NT5DC3: variants seen among roughly 807,000 people sequenced by gnomAD.
The protein encoded by NT5DC3 is 5'-nucleotidase domain-containing protein 3.
Under a neutral mutation model 67.8 loss-of-function variants are expected in NT5DC3, and 42 were observed. The ratio of observed to expected loss-of-function variants is 0.62; its 90% confidence interval spans 0.48 to 0.80. The LOEUF (loss-of-function observed/expected upper bound fraction) is 0.80, where lower values mean the gene tolerates loss of function less well. Among genes scored for constraint, NT5DC3 ranks in the 30% least tolerant of loss-of-function variants. The pLI is 0.00. For missense variants in NT5DC3, 570 were observed against 696.4 expected, an observed-to-expected ratio of 0.82 and a Z score of 2.04; for synonymous variants, 237 against 255.6, an observed-to-expected ratio of 0.93 and a Z score of 0.69.
chr12:103,759,371 A>C, the NT5DC3 span: 1 of 1,491,448 alleles, frequency 6.7e-7, no homozygotes. Context: ...TATTATGCAA[A>C]CATAAACTCT....
At chr12:103,826,464 G>A (rs2139455749) in intron 1 of NT5DC3, among the ~76,000 whole-genome samples, 1 of 152,344 alleles carries the variant, frequency 6.6e-6, no homozygotes, top group East Asian at 1.9e-4. Context: ...TGTGATTTGA[G>A]AAAGACTCAG....
At chr12:103,796,642 G>A (rs892385833) in intron 6 of NT5DC3, among the ~76,000 whole-genome samples, 25 of 152,218 alleles carry the variant, frequency 1.6e-4, no homozygotes, top group Non-Finnish European at 3.1e-4. Context: ...TTGGCCTTCT[G>A]GTCAGAAAGG....
the NT5DC3 span, chr12:103,762,180 C>T: frequency 1.3e-6 from 2 of 1,537,044 alleles, no homozygotes; most frequent in Admixed American, 1.9e-5. Flanking sequence ...ATTTTTATCC[C>T]CACTGGCTCC....
In NT5DC3 at chr12:103,774,266, T is replaced by C. The variant is rs1191648493; in HGVS notation, c.*3563A>G. 1 of 152,250 alleles carries C rather than the reference T, an allele frequency of 6.6e-6. No homozygotes were observed. Among genetic ancestry groups the C allele is most frequent in the Non-Finnish European group, 1.5e-5 (1 of 68,042 alleles). The allele number at this position is 152,250 out of a possible 1,614,324, so 9.4% of individuals were successfully genotyped here. ...TTTTTAAATGTTCAAGCTATTTTTG[T>C]TTGCTTTACAACACAATTTTTTAAA... On this transcript the variant is annotated 3_prime_UTR_variant, in exon 14 of 14. Coordinates refer to ENST00000392876, the MANE Select transcript of NT5DC3 (RefSeq NM_001031701.3).
chr12:103,749,444 C>T, the NT5DC3 span, among the ~76,000 whole-genome samples: 11 of 152,224 alleles, frequency 7.2e-5, no homozygotes, highest in East Asian at 7.7e-4. Context: ...TTATGTTGGA[C>T]ATCAGGGGAA....
chr12:103,818,915 G>A (rs781674348), intron 1 of NT5DC3, among the ~76,000 whole-genome samples: 3 of 152,168 alleles, frequency 2.0e-5, no homozygotes, highest in Non-Finnish European at 4.4e-5. Flanking sequence ...TGCAAGTGAA[G>A]GGGAATCGCT....
Position 103,793,445 on chromosome 12 carries a change from C to A in NT5DC3, c.882G>T (p.Lys294Asn), listed in dbSNP as rs916029455. 1.2e-6 allele frequency: 2 copies of A among 1,614,224 alleles called. No homozygotes were observed. Among genetic ancestry groups the A allele is most frequent in the Non-Finnish European group, 1.7e-6 (2 of 1,180,038 alleles). Reference sequence around the variant, plus strand: ...TGGGGCTATTGGTGATGAGAAACATCTTCTTGCCATGATCAGCCAGTTTGG... The same window carrying A: ...TGGGGCTATTGGTGATGAGAAACATATTCTTGCCATGATCAGCCAGTTTGG... Reference protein sequence around the residue: ...VLAKLADHGKKMFLITNSPSS... With the variant: ...VLAKLADHGKNMFLITNSPSS... Residue 294 changes from lysine to asparagine, a missense_variant, in exon 8 of 14, where the codon AAG (lysine) becomes AAT (asparagine). Around this residue, in one of 2 missense-constraint regions of NT5DC3, gnomAD observed 466 missense variants for 608.0 expected, o/e 0.77. Coordinates refer to ENST00000392876, the MANE Select transcript of NT5DC3 (RefSeq NM_001031701.3).
At chr12:103,771,981 G>C (rs1885195045), downstream of NT5DC3, among the ~76,000 whole-genome samples, 1 of 152,012 alleles carries the variant, frequency 6.6e-6, no homozygotes, top group Admixed American at 6.5e-5. Context: ...GTGATCGAAG[G>C]GAGGAAAAAA....
Position 103,793,443 on chromosome 12 carries a change from A to G in NT5DC3, c.884T>C (p.Met295Thr), listed in dbSNP as rs1886156795. 3.1e-6 allele frequency: 5 copies of G among 1,614,130 alleles called. No individual in the cohort carries two copies. Among genetic ancestry groups the G allele is most frequent in the African/African-American group, 1.3e-5 (1 of 74,942 alleles). Residue 295 changes from methionine (M) to threonine (T), a missense_variant, in exon 8 of 14, where the codon ATG becomes ACG. Coordinates refer to ENST00000392876, the MANE Select transcript of NT5DC3 (RefSeq NM_001031701.3). ...LAKLADHGKKMFLITNSPSSF... is the reference protein window; with the variant it reads ...LAKLADHGKKTFLITNSPSSF... Reference sequence around the variant, plus strand: ...ACTGGGGCTATTGGTGATGAGAAACATCTTCTTGCCATGATCAGCCAGTTT... The same window carrying G: ...ACTGGGGCTATTGGTGATGAGAAACGTCTTCTTGCCATGATCAGCCAGTTT...
chr12:103,759,304 C>T, the NT5DC3 span: 111 of 1,608,614 alleles, frequency 6.9e-5, 3 homozygotes, highest in South Asian at 4.4e-4. Flanking sequence ...CTTGGGGGAA[C>T]GGGAGATAAT....
chr12:103,768,923 T>C (rs548621619), downstream of NT5DC3: 36 of 151,896 alleles, frequency 2.4e-4, no homozygotes, highest in Admixed American at 2.0e-3. Flanking sequence ...TTGATTCCAC[T>C]CAGAGCCTCG....
At chr12:103,840,395 CAT>C (rs1888343023) in intron 1 of NT5DC3, among the ~76,000 whole-genome samples, 1 of 147,622 alleles carries the variant, frequency 6.8e-6, no homozygotes, top group African/African-American at 2.5e-5. Flanking sequence ...CATCTCATCT[CAT>C]CTCATCTCAT....
At chr12:103,753,976 CTT>C in the NT5DC3 span, among the ~76,000 whole-genome samples, 1 of 152,220 alleles carries the variant, frequency 6.6e-6, no homozygotes, top group East Asian at 1.9e-4. Flanking sequence ...GTGCTGCTCT[CTT>C]AACCTCTAAA....
chr12:103,801,027 C>G (rs1017210848), intron 4 of NT5DC3, among the ~76,000 whole-genome samples: 1 of 152,106 alleles, frequency 6.6e-6, no homozygotes, highest in Non-Finnish European at 1.5e-5. Context: ...CAGCTTTTCA[C>G]AAGGTTCCTA....
the NT5DC3 span, chr12:103,762,166 C>A: frequency 6.9e-7 from 1 of 1,452,870 alleles, no homozygotes; most frequent in Admixed American, 2.1e-5. Context: ...GTTAACATGT[C>A]AGTATTTTTA....
At position 103,776,669 on chromosome 12, in the gene NT5DC3, C is replaced by CA. The variant is rs1295288183; in HGVS notation, c.*1159dup. ...CTTAGACATCTAAAAAAAAACAAAA[C>CA]AAAACAAAAAAAAAAAAAACAAACT... On this transcript the variant is annotated 3_prime_UTR_variant, in exon 14 of 14. Transcript: ENST00000392876. The CA allele has an allele frequency of 3.9e-5, 4 of 103,194 alleles. No homozygotes were observed. Among genetic ancestry groups the CA allele is most frequent in the East Asian group, 7.2e-4 (2 of 2,764 alleles). The allele number at this position is 103,194 out of a possible 1,614,324, so 6.4% of individuals were successfully genotyped here. A position where few individuals can be genotyped will look rare whatever the true frequency, so the allele number is the denominator to read the frequency against.
At chr12:103,756,996 A>AATATATATATATATATATATAT in the NT5DC3 span, among the ~76,000 whole-genome samples, 11 of 56,334 alleles carry the variant, frequency 2.0e-4, no homozygotes, top group South Asian at 2.2e-3. Context: ...AAGGAGGGAA[A>AATATATATATATATATATATAT]ATATATATAT....
rs550124358 is a variant in NT5DC3 at position 103,798,430 on chromosome 12, G to C, written c.615+157C>G. On this transcript the variant is annotated intron_variant, in intron 5 of 13. Transcript: ENST00000392876. The stretch of plus-strand genomic sequence containing the variant: ...GAAGTGCTTCAGAAAGGAGAATCAT[G>C]AAAGAATCTGGGGGTGTCCCCTTCA... 9.8e-5 allele frequency among the ~76,000 whole-genome samples: 15 copies of C among 152,320 alleles called. No homozygotes were observed. The East Asian group carries it at 2.7e-3, about 27-fold the overall frequency.
the NT5DC3 span, among the ~76,000 whole-genome samples, chr12:103,753,981 C>A: frequency 6.6e-6 from 1 of 152,314 alleles, no homozygotes; most frequent in South Asian, 2.1e-4. Flanking sequence ...GCTCTCTTAA[C>A]CTCTAAAACT....
Sources: allele counts gnomAD v4.1 joint callset (sites outside exome capture counted in the v4.1 genomes callset), GRCh38; gene constraint gnomAD v4.1.1; regional missense constraint gnomAD v4.1.1; transcripts MANE v1.5; gene names NCBI Gene and HGNC (gene_info 2026-07-23, HGNC 2026-07-21).